Variants in KANK1 observed in about 807,000 individuals in gnomAD.
KANK1 encodes KN motif and ankyrin repeat domain-containing protein 1.
KANK1 carries 109 observed loss-of-function variants against 106.2 expected under a neutral mutation model. The observed-to-expected ratio is 1.03, with a 90% CI of 0.88 to 1.20. The LOEUF (loss-of-function observed/expected upper bound fraction) is 1.20, where lower values mean the gene tolerates loss of function less well. KANK1 is among the 50% of genes most tolerant of loss of function. The pLI is 0.00. For missense variants in KANK1, 2,399 were observed against 1,710.7 expected (o/e 1.40, Z -7.10); for synonymous variants, 873 against 652.2 (o/e 1.34, Z -5.16).
At position 745,216 on chromosome 9, in the gene KANK1, A is replaced by C; in HGVS notation, c.4040A>C (p.His1347Pro). Residue 1347 changes from histidine (H) to proline (P), a missense_variant, in exon 12 of 12, where the codon CAC (histidine) becomes CCC (proline). By Grantham distance (77) the His-to-Pro change is moderately conservative. Transcript: ENST00000382297. ...LGRKTSPGPT[H>P]RGSFD Reference sequence around the variant, plus strand: ...AGGAAGACGTCTCCTGGCCCCACCCACCGAGGTTCATTTGATTGATTGTAT... The same window carrying C: ...AGGAAGACGTCTCCTGGCCCCACCCCCCGAGGTTCATTTGATTGATTGTAT... 1 of 1,613,960 alleles carries C rather than the reference A, an allele frequency of 6.2e-7. No individual in the cohort carries two copies. The highest frequency in any genetic ancestry group is 8.5e-7 in the Non-Finnish European group (1 of 1,179,974).
intron 1 of KANK1, among the ~76,000 whole-genome samples, chr9:520,013 C>G (rs1020341910): frequency 1.3e-5 from 2 of 151,736 alleles, no homozygotes; most frequent in Non-Finnish European, 2.9e-5. Flanking sequence ...CCACTCCACT[C>G]TGGGACATAC....
At chr9:639,725 GCTACAGA>G (rs1332021013) in intron 1 of KANK1, among the ~76,000 whole-genome samples, 2 of 152,194 alleles carry the variant, frequency 1.3e-5, no homozygotes, top group African/African-American at 4.8e-5. Context: ...GTAACAAAAT[GCTACAGA>G]CTGTGTAATT....
At chr9:622,934 G>C (rs1211177044) in intron 1 of KANK1, among the ~76,000 whole-genome samples, 1 of 151,928 alleles carries the variant, frequency 6.6e-6, no homozygotes, top group Non-Finnish European at 1.5e-5. Context: ...TAATGGTAAG[G>C]CCTGAAACCA....
intron 2 of KANK1, among the ~76,000 whole-genome samples, chr9:700,314 C>G (rs1050110734): frequency 3.3e-4 from 50 of 152,202 alleles, no homozygotes; most frequent in Non-Finnish European, 2.9e-5. Context: ...GTTCCTCACA[C>G]AAATTTGATA....
chr9:726,844 C>T (rs1564090382), intron 3 of KANK1, among the ~76,000 whole-genome samples: 2 of 152,112 alleles, frequency 1.3e-5, no homozygotes, highest in Non-Finnish European at 2.9e-5. Flanking sequence ...CCCATAATCC[C>T]AGCTACTCGG....
intron 1 of KANK1, among the ~76,000 whole-genome samples, chr9:661,213 G>A (rs1459992518): frequency 1.3e-5 from 2 of 152,002 alleles, no homozygotes; most frequent in Admixed American, 6.5e-5. Flanking sequence ...CCATGTTGGT[G>A]TGCTGTACCC....
intron 3 of KANK1, among the ~76,000 whole-genome samples, chr9:474,368 A>C (rs761605501): frequency 1.8e-4 from 28 of 152,230 alleles, no homozygotes; most frequent in Non-Finnish European, 3.4e-4. Flanking sequence ...CCTGTCTCTT[A>C]CTAATTAGTG....
chr9:675,655 C>A (rs890650513), intron 1 of KANK1, among the ~76,000 whole-genome samples: 1 of 152,026 alleles, frequency 6.6e-6, no homozygotes, highest in Admixed American at 6.6e-5. Context: ...ATGTGCCATG[C>A]TCTATCATTT....
At chr9:557,431 T>G (rs891614441) in intron 1 of KANK1, among the ~76,000 whole-genome samples, 2 of 152,154 alleles carry the variant, frequency 1.3e-5, no homozygotes, top group Non-Finnish European at 2.9e-5. Flanking sequence ...ATAGAAGGTT[T>G]AAAAATTTAG....
At position 712,443 on chromosome 9, in the gene KANK1, C is replaced by T. The variant is rs373666002; in HGVS notation, c.1677C>T (p.Val559=). The change falls in exon 3 of 12, where the codon GTC becomes GTT. Residue 559 remains valine, a synonymous_variant. Coordinates refer to ENST00000382297, the MANE Select transcript of KANK1 (RefSeq NM_015158.5). ...GCCAGCCTGAATGTAAGAATAAAGT[C>T]GTAGGGCCTGAGCTGCCTATGAATT... The part of the protein sequence containing the change: ...ISCQPECKNK[V]VGPELPMNWW... The T allele has an allele frequency of 5.3e-5, 85 of 1,613,954 alleles. No individual in the cohort carries two copies. The highest frequency in any genetic ancestry group is 6.8e-5 in the Non-Finnish European group (80 of 1,180,040).
intron 1 of KANK1, among the ~76,000 whole-genome samples, chr9:662,664 A>C (rs1843601260): frequency 2.2e-5 from 1 of 45,130 alleles, no homozygotes; most frequent in African/African-American, 9.9e-5. Flanking sequence ...TACAAAAGTT[A>C]ATTTTTTTTT....
At chr9:574,771 C>G (rs1305636311) in intron 1 of KANK1, among the ~76,000 whole-genome samples, 1 of 150,448 alleles carries the variant, frequency 6.6e-6, no homozygotes, top group African/African-American at 2.5e-5. Flanking sequence ...AGGAGAATCG[C>G]TGACCCTGCG....
intron 1 of KANK1, among the ~76,000 whole-genome samples, chr9:557,765 G>C (rs3739591): frequency 0.2 from 30,694 of 152,064 alleles, 3,566 homozygotes; most frequent in African/African-American, 0.31. Flanking sequence ...TGTGGTGGCT[G>C]ACACCTGTAA....
At chr9:524,814 G>T (rs1479030383) in intron 1 of KANK1, among the ~76,000 whole-genome samples, 2 of 151,526 alleles carry the variant, frequency 1.3e-5, no homozygotes, top group East Asian at 3.9e-4. Flanking sequence ...ACCGTGCCCG[G>T]CTCGTTACTG....
chr9:638,381 A>G (rs761709496), intron 1 of KANK1, among the ~76,000 whole-genome samples: 54 of 152,128 alleles, frequency 3.5e-4, no homozygotes, highest in Non-Finnish European at 6.5e-4. Context: ...CTCTTCCTAC[A>G]TGGGTCCTGA....
intron 1 of KANK1, among the ~76,000 whole-genome samples, chr9:607,412 G>A (rs769272233): frequency 1.5e-4 from 22 of 144,158 alleles, no homozygotes; most frequent in Non-Finnish European, 3.1e-4. Context: ...TTGAATCCGG[G>A]AAGCAGAGGT....
chr9:661,518 C>CTA (rs1447271026), intron 1 of KANK1, among the ~76,000 whole-genome samples: 13 of 152,152 alleles, frequency 8.5e-5, no homozygotes, highest in African/African-American at 3.1e-4. Flanking sequence ...TTAATCCAGT[C>CTA]TATCATTGAT....
chr9:740,461 T>A (rs1405751260), intron 8 of KANK1, among the ~76,000 whole-genome samples: 1 of 152,180 alleles, frequency 6.6e-6, no homozygotes, highest in East Asian at 1.9e-4. Flanking sequence ...AGTGCCTAGA[T>A]TCCAAAAATC....
Position 604,406 on chromosome 9 carries a change from G to A in KANK1, c.-83-72484G>A, listed in dbSNP as rs147498712. On this transcript the variant is annotated intron_variant, in intron 1 of 11. Transcript: ENST00000382297. ...TACCCCATGCTGTCCTCCTGATAGC[G>A]AGGGAGTTCTCATGAGATCTAATGG... is the stretch of plus-strand genomic sequence containing the variant. Among the ~76,000 whole-genome samples the A allele has an allele frequency of 4.9e-3, 739 of 151,746 alleles. 31 individuals are homozygous for A. Among genetic ancestry groups the A allele is most frequent in the African/African-American group, 0.017 (690 of 41,082 alleles).
Sources: gnomAD v4.1 joint callset for allele counts (sites outside exome capture counted in the v4.1 genomes callset) on GRCh38, gnomAD v4.1.1 for gene constraint, MANE v1.5 for transcripts, NCBI Gene and HGNC (gene_info 2026-07-23, HGNC 2026-07-21) for gene names.